Variants in TRPM6 observed in about 807,000 individuals in gnomAD.
TRPM6 encodes channel kinase 2.
TRPM6 carries 111 observed loss-of-function variants against 247.6 expected under a neutral mutation model. The ratio of observed to expected loss-of-function variants is 0.45; its 90% confidence interval spans 0.38 to 0.52. The LOEUF (loss-of-function observed/expected upper bound fraction) is 0.52, where lower values mean the gene tolerates loss of function less well. Among genes scored for constraint, TRPM6 ranks in the 20% least tolerant of loss-of-function variants. The pLI is 0.00. For synonymous variants in TRPM6, 892 were observed against 853.8 expected (o/e 1.04, Z -0.78); for missense variants, 2,126 against 2,421.5 (o/e 0.88, Z 2.56).
At chr9:74,798,735 T>C (rs966694771) in intron 17 of TRPM6, among the ~76,000 whole-genome samples, 5 of 152,184 alleles carry the variant, frequency 3.3e-5, no homozygotes, top group Non-Finnish European at 7.3e-5. Context: ...ACTGATAAAG[T>C]AGCATCTAAA....
At chr9:74,756,481 CA>C (rs1384701363) in intron 27 of TRPM6, among the ~76,000 whole-genome samples, 1 of 151,930 alleles carries the variant, frequency 6.6e-6, no homozygotes, top group African/African-American at 2.4e-5. Flanking sequence ...ATAAAAACAA[CA>C]CATCAAAATT....
intron 25 of TRPM6, among the ~76,000 whole-genome samples, chr9:74,764,657 G>C (rs1052562562): frequency 1.5e-4 from 23 of 152,202 alleles, no homozygotes; most frequent in African/African-American, 5.6e-4. Context: ...GGAAACTAAT[G>C]CAGCTATCTA....
At chr9:74,887,273 A>G in intron 1 of TRPM6, 2 of 1,350,296 alleles carry the variant, frequency 1.5e-6, no homozygotes, top group Non-Finnish European at 1.9e-6. Flanking sequence ...TGCACGGGGA[A>G]CACTGGGCGC....
rs778330779 is a variant in TRPM6 at position 74,732,672 on chromosome 9, T to C, written c.5828+13A>G. 1.3e-6 allele frequency: 2 copies of C among 1,584,736 alleles called. No individual in the cohort carries two copies. Among genetic ancestry groups the C allele is most frequent in the Admixed American group, 1.7e-5 (1 of 59,538 alleles). On this transcript the variant is annotated intron_variant, in intron 37 of 38. Coordinates refer to ENST00000360774, the MANE Select transcript of TRPM6 (RefSeq NM_017662.5). ...ATGCAATTTTCTAAATGATAACACA[T>C]AAATTAACTTACTGTTTGACTTCAG...
intron 21 of TRPM6, among the ~76,000 whole-genome samples, chr9:74,785,287 A>G (rs1021354773): frequency 3.3e-5 from 5 of 152,170 alleles, no homozygotes; most frequent in South Asian, 2.1e-4. Flanking sequence ...ACAACATAGC[A>G]TCTTTACAAA....
intron 28 of TRPM6, 106 bp from the exon 29 acceptor site, chr9:74,752,474 G>C (rs1826282475): frequency 1.5e-6 from 1 of 677,844 alleles, no homozygotes; most frequent in Non-Finnish European, 2.5e-6. Context: ...ATTTAAACTT[G>C]GATATAGTTT....
chr9:74,782,902 C>A, intron 21 of TRPM6, 49 bp from the exon 22 acceptor site: 1 of 1,560,370 alleles, frequency 6.4e-7, no homozygotes, highest in South Asian at 1.1e-5. Context: ...ATTTGAAGTT[C>A]AAAAGAAACC....
chr9:74,816,886 A>G lies in TRPM6; in HGVS notation c.1207+6T>C, dbSNP rs139475376. The G allele has an allele frequency of 1.9e-3, 3,093 of 1,613,936 alleles. 64 individuals carry two copies. The African/African-American group carries it at 0.037, about 19-fold the overall frequency. On this transcript the variant is annotated splice_donor_region_variant and intron_variant, in intron 10 of 38. Transcript: ENST00000360774. ...GGAACAATTGCAACCCCATCCAGATACTCACCCTTCAGCAAAGCTGTTAGG... is the reference window on the plus strand; with the variant it reads ...GGAACAATTGCAACCCCATCCAGATGCTCACCCTTCAGCAAAGCTGTTAGG...
At chr9:74,843,824 A>G (rs1830021283) in intron 3 of TRPM6, among the ~76,000 whole-genome samples, 1 of 151,974 alleles carries the variant, frequency 6.6e-6, no homozygotes, top group Non-Finnish European at 1.5e-5. Flanking sequence ...CAAAAAAAAA[A>G]AAAAAAAAAG....
At chr9:74,725,458 G>A (rs1259802193) in intron 38 of TRPM6, among the ~76,000 whole-genome samples, 3 of 152,068 alleles carry the variant, frequency 2.0e-5, no homozygotes, top group Non-Finnish European at 4.4e-5. Flanking sequence ...TATTGAACAT[G>A]TAAATTGATA....
intron 28 of TRPM6, among the ~76,000 whole-genome samples, chr9:74,753,111 A>AAC: frequency 1.0e-4 from 3 of 28,994 alleles, no homozygotes; most frequent in South Asian, 2.0e-3. Flanking sequence ...AGACTGTCTC[A>AAC]AAAAAAAAAA....
intron 2 of TRPM6, 77 bp from the exon 3 acceptor site, chr9:74,855,642 C>G: frequency 2.1e-6 from 2 of 935,914 alleles, no homozygotes; most frequent in Non-Finnish European, 3.5e-6. Context: ...CAGTAAATAT[C>G]TATTATTTTC....
At chr9:74,767,577 G>A (rs1024033616) in intron 25 of TRPM6, among the ~76,000 whole-genome samples, 1 of 152,008 alleles carries the variant, frequency 6.6e-6, no homozygotes, top group Non-Finnish European at 1.5e-5. Flanking sequence ...TCATTTATGA[G>A]GTCCATATAA....
intron 29 of TRPM6, among the ~76,000 whole-genome samples, chr9:74,751,535 C>A (rs1826246524): frequency 1.3e-5 from 2 of 152,222 alleles, no homozygotes; most frequent in South Asian, 4.1e-4. Flanking sequence ...CATGTCTCAA[C>A]AGTTCTCAAG....
intron 1 of TRPM6, among the ~76,000 whole-genome samples, chr9:74,859,347 TC>T (rs1346277083): frequency 6.6e-6 from 1 of 152,200 alleles, no homozygotes; most frequent in Non-Finnish European, 1.5e-5. Flanking sequence ...TTCTACAGAA[TC>T]CATATCATAG....
At chr9:74,727,566 G>A (rs770052969) in intron 38 of TRPM6, among the ~76,000 whole-genome samples, 25 of 151,984 alleles carry the variant, frequency 1.6e-4, no homozygotes, top group Admixed American at 3.3e-4. Flanking sequence ...GGACAAGTCC[G>A]GTGTGACCAA....
rs761324857 is a variant in TRPM6, at chr9:74,732,733, A to G, written c.5780T>C (p.Val1927Ala). ...GELLVLDLQG[V>A]GENLTDPSVI... The stretch of plus-strand genomic sequence containing the variant: ...AGATGGATCTGTCAAATTTTCTCCA[A>G]CACCTCAAAAGAAGAAACAAAATTC... The change falls in exon 37 of 39, where the codon GTT becomes GCT. Residue 1927 changes from valine (V) to alanine (A), a missense_variant. This residue lies in a region of TRPM6 where 327 missense variants were observed against 397.7 expected (regional missense o/e 0.82). Coordinates refer to ENST00000360774, the MANE Select transcript of TRPM6 (RefSeq NM_017662.5). 3.7e-6 allele frequency: 6 copies of G among 1,608,878 alleles called. No homozygotes were observed. Among genetic ancestry groups the G allele is most frequent in the Non-Finnish European group, 4.2e-6 (5 of 1,177,380 alleles).
rs1023885029 is a variant in TRPM6, at chr9:74,771,684, A to C, written c.3536+19T>G. On this transcript the variant is annotated intron_variant, in intron 25 of 38. Transcript: ENST00000360774. The stretch of plus-strand genomic sequence containing the variant: ...GTTGTGTTAGTGGTTTCAGAATGGA[A>C]AAGATTTATATCTTTTACCTTTCTG... The C allele has an allele frequency of 2.5e-5, 41 of 1,612,522 alleles. No homozygotes were observed. The highest frequency in any genetic ancestry group is 3.4e-5 in the Non-Finnish European group (40 of 1,179,524).
In TRPM6 at chr9:74,821,150, T is replaced by C. The variant is rs968692335; in HGVS notation, c.1010+519A>G. 2.6e-5 allele frequency among the ~76,000 whole-genome samples: 4 copies of C among 152,318 alleles called. No homozygotes were observed. In the East Asian group the frequency reaches 7.7e-4, roughly 29 times the overall value. ...CAGTAGAAATATCATGCTTTTGAAA[T>C]TGGAAGAACCACACTGGCTAGAGGG... is the stretch of plus-strand genomic sequence containing the variant. On this transcript the variant is annotated intron_variant, in intron 8 of 38. Coordinates refer to ENST00000360774, the MANE Select transcript of TRPM6 (RefSeq NM_017662.5).
Sources: gnomAD v4.1 joint callset for allele counts (sites outside exome capture counted in the v4.1 genomes callset) on GRCh38, gnomAD v4.1.1 for gene constraint, gnomAD v4.1.1 regional missense constraint, MANE v1.5 for transcripts, NCBI Gene and HGNC (gene_info 2026-07-23, HGNC 2026-07-21) for gene names.